Variants in AFG1L observed in about 807,000 individuals in gnomAD.
AFG1L encodes AFG1-like ATPase.
AFG1L carries 53 observed loss-of-function variants against 62.2 expected under a neutral mutation model. That is an observed-to-expected ratio of 0.85 (90% CI 0.68 to 1.07). The LOEUF is 1.07. AFG1L is among the 50% of genes least tolerant of loss of function. The pLI, the probability that AFG1L is intolerant of heterozygous loss-of-function variation, is 0.00. For synonymous variants in AFG1L, 228 were observed against 210.3 expected, an observed-to-expected ratio of 1.08 and a Z score of -0.73; for missense variants, 555 against 590.5, an observed-to-expected ratio of 0.94 and a Z score of 0.62.
intron 6 of AFG1L, among the ~76,000 whole-genome samples, chr6:108,397,602 C>T (rs1781378291): frequency 6.6e-6 from 1 of 152,130 alleles, no homozygotes; most frequent in African/African-American, 2.4e-5. Flanking sequence ...CCATCCCCAC[C>T]TTCCCCCATC....
At chr6:108,325,749 G>A (rs1309908802) in intron 2 of AFG1L, among the ~76,000 whole-genome samples, 4 of 151,908 alleles carry the variant, frequency 2.6e-5, no homozygotes, top group Non-Finnish European at 5.9e-5. Context: ...GCCTCCCAAA[G>A]TGCTGGGATT....
chr6:108,422,274 A>G (rs957277519), intron 7 of AFG1L, among the ~76,000 whole-genome samples: 3 of 151,818 alleles, frequency 2.0e-5, no homozygotes, highest in Admixed American at 6.6e-5. Flanking sequence ...AAGTCAAGAA[A>G]TTATTCTTGA....
intron 1 of AFG1L, among the ~76,000 whole-genome samples, chr6:108,317,564 G>A (rs1368841937): frequency 6.6e-6 from 1 of 152,156 alleles, no homozygotes; most frequent in African/African-American, 2.4e-5. Context: ...CACAAATCTT[G>A]TGACCTCTGG....
chr6:108,395,646 C>T (rs2114609556), intron 6 of AFG1L, among the ~76,000 whole-genome samples: 1 of 152,020 alleles, frequency 6.6e-6, no homozygotes, highest in African/African-American at 2.4e-5. Context: ...AAACAATCCA[C>T]CCGCCTTGGC....
Position 108,523,088 on chromosome 6 carries a change from A to C in AFG1L, c.*663A>C, listed in dbSNP as rs1020174966. 3.4e-5 allele frequency: 5 copies of C among 148,100 alleles called. No individual in the cohort carries two copies. The highest frequency in any genetic ancestry group is 1.2e-4 in the African/African-American group (5 of 40,224). 9.2% of individuals were successfully genotyped at this position (148,100 alleles called of 1,614,324 possible). On this transcript the variant is annotated 3_prime_UTR_variant, in exon 13 of 13. Transcript: ENST00000368977. ...TTATGATGGGATCAAATAAGGAGCA[A>C]GTGTCAAATTCCAGCCAACAGGCAG...
intron 6 of AFG1L, among the ~76,000 whole-genome samples, chr6:108,369,249 C>A (rs1321844336): frequency 6.6e-6 from 1 of 151,998 alleles, no homozygotes; most frequent in African/African-American, 2.4e-5. Context: ...TACAAAGGGG[C>A]AGGCTCAGGA....
At chr6:108,318,364 C>A in intron 1 of AFG1L, 2 of 389,986 alleles carry the variant, frequency 5.1e-6, no homozygotes, top group South Asian at 2.4e-5. Flanking sequence ...GCATTTTGAA[C>A]TGGGAAGAGG....
In AFG1L at chr6:108,501,719, T is replaced by C. The variant is rs568446648; in HGVS notation, c.1063-8493T>C. 5.3e-5 allele frequency among the ~76,000 whole-genome samples: 8 copies of C among 152,280 alleles called. No homozygotes were observed. The East Asian group carries it at 1.5e-3, about 29-fold the overall frequency. ...TCATATTACTGTCTCTCTCACTCCC[T>C]GGTCTGAACTTGATCACACAGCCAC... On this transcript the variant is annotated intron_variant, in intron 10 of 12. Transcript: ENST00000368977.
intron 7 of AFG1L, among the ~76,000 whole-genome samples, chr6:108,411,661 C>T (rs929909052): frequency 6.6e-6 from 1 of 152,222 alleles, no homozygotes; most frequent in Admixed American, 6.5e-5. Context: ...GAGTGGACCT[C>T]CAGCAAACTC....
intron 1 of AFG1L, chr6:108,296,004 C>T (rs1235884054): frequency 6.6e-6 from 1 of 152,138 alleles, no homozygotes; most frequent in Non-Finnish European, 1.5e-5. Flanking sequence ...TCCACATACT[C>T]GTTTTCCTTT....
At chr6:108,494,443 C>G (rs1482084267) in intron 10 of AFG1L, among the ~76,000 whole-genome samples, 1 of 151,568 alleles carries the variant, frequency 6.6e-6, no homozygotes, top group African/African-American at 2.4e-5. Flanking sequence ...CCCCCCCACC[C>G]CGCAAAAAAA....
chr6:108,450,446 G>T (rs1310865060), intron 8 of AFG1L, among the ~76,000 whole-genome samples: 3 of 152,056 alleles, frequency 2.0e-5, no homozygotes, highest in Non-Finnish European at 4.4e-5. Flanking sequence ...TGTTGATGGG[G>T]TTGTTTTTTT....
chr6:108,422,015 A>G (rs1052778813), intron 7 of AFG1L, among the ~76,000 whole-genome samples: 2 of 152,146 alleles, frequency 1.3e-5, no homozygotes, highest in Non-Finnish European at 2.9e-5. Flanking sequence ...AATAGAAAAT[A>G]TAAGAAAACA....
At chr6:108,410,828 T>C (rs1782064559) in intron 7 of AFG1L, among the ~76,000 whole-genome samples, 1 of 152,070 alleles carries the variant, frequency 6.6e-6, no homozygotes, top group African/African-American at 2.4e-5. Context: ...GATGGCCAAA[T>C]AGGAACAGAT....
chr6:108,318,930 T>G (rs1435576521), intron 1 of AFG1L, among the ~76,000 whole-genome samples: 3 of 152,230 alleles, frequency 2.0e-5, no homozygotes, highest in Non-Finnish European at 4.4e-5. Flanking sequence ...AGAAGTCTTT[T>G]GTATTTCAAT....
chr6:108,449,100 A>G (rs1771937699), intron 8 of AFG1L, among the ~76,000 whole-genome samples: 1 of 151,796 alleles, frequency 6.6e-6, no homozygotes, highest in African/African-American at 2.4e-5. Flanking sequence ...GTAAGCTGTG[A>G]TCATACCACT....
chr6:108,344,414 A>G (rs1182661001), intron 2 of AFG1L, among the ~76,000 whole-genome samples: 1 of 152,024 alleles, frequency 6.6e-6, no homozygotes, highest in Non-Finnish European at 1.5e-5. Flanking sequence ...CGCCCAGCCT[A>G]CAGGATAGTT....
At chr6:108,360,683 G>C (rs1335942361) in intron 5 of AFG1L, among the ~76,000 whole-genome samples, 1 of 152,156 alleles carries the variant, frequency 6.6e-6, no homozygotes, top group Non-Finnish European at 1.5e-5. Flanking sequence ...GAAAATATAA[G>C]GGCAAGAGTG....
chr6:108,472,103 C>T (rs1435230644), intron 8 of AFG1L, among the ~76,000 whole-genome samples: 2 of 152,120 alleles, frequency 1.3e-5, no homozygotes, highest in Non-Finnish European at 2.9e-5. Context: ...CAGAAAGATA[C>T]TACAAGATCT....
Sources: gnomAD v4.1 joint callset for allele counts (sites outside exome capture counted in the v4.1 genomes callset) on GRCh38, gnomAD v4.1.1 for gene constraint, MANE v1.5 for transcripts, NCBI Gene and HGNC (gene_info 2026-07-23, HGNC 2026-07-21) for gene names.